The following XDH variants were observed in gnomAD, a reference collection of about 807,000 sequenced individuals.
The protein encoded by XDH is xanthine dehydrogenase/oxidase.
In XDH, 138 loss-of-function variants were observed where a neutral mutation model predicts 156.1. The observed-to-expected ratio is 0.88, with a 90% CI of 0.77 to 1.02. XDH has a LOEUF of 1.02. Among genes scored for constraint, XDH ranks in the 50% least tolerant of loss-of-function variants. The probability of loss-of-function intolerance (pLI) is 0.00; values close to 1 mark genes in which losing one functional copy is unlikely to be tolerated. For synonymous variants in XDH, 669 were observed against 625.7 expected (o/e 1.07, Z -1.03); for missense variants, 1,849 against 1,684.9 (o/e 1.10, Z -1.71).
At chr2:31,360,050 G>A (rs745857503) in intron 24 of XDH, among the ~76,000 whole-genome samples, 2 of 152,176 alleles carry the variant, frequency 1.3e-5, no homozygotes, top group Admixed American at 6.5e-5. Flanking sequence ...CTTCCCATTG[G>A]CTACCTGCTC....
intron 6 of XDH, among the ~76,000 whole-genome samples, chr2:31,395,968 G>A (rs780112232): frequency 2.0e-5 from 3 of 152,178 alleles, no homozygotes; most frequent in East Asian, 1.9e-4. Context: ...ACTTCTCGCC[G>A]TGAGCAGTGT....
chr2:31,335,927 G>A lies in XDH; in HGVS notation c.*31C>T. 6.2e-7 allele frequency: 1 copy of A among 1,613,600 alleles called. No individual in the cohort carries two copies. Among genetic ancestry groups the A allele is most frequent in the Non-Finnish European group, 8.5e-7 (1 of 1,179,484 alleles). On this transcript the variant is annotated 3_prime_UTR_variant, in exon 36 of 36. Transcript: ENST00000379416. The stretch of plus-strand genomic sequence containing the variant: ...CCTGCTCCATGGAAGCCCAAAGGCA[G>A]CACAAGAAGACTCTGCTGAGGACTC...
chr2:31,355,895 A>G (rs186738582), intron 24 of XDH, among the ~76,000 whole-genome samples: 7 of 152,352 alleles, frequency 4.6e-5, no homozygotes, highest in Admixed American at 1.3e-4. Context: ...AAATATAATA[A>G]TGTAGGCAAG....
intron 33 of XDH, 124 bp from the exon 34 acceptor site, chr2:31,339,801 C>T (rs946036047): frequency 8.0e-7 from 1 of 1,253,286 alleles, no homozygotes; most frequent in Middle Eastern, 2.3e-4. Flanking sequence ...AAACTGCCCT[C>T]TATTGCTTAC....
At chr2:31,376,721 T>C (rs1361528579) in intron 14 of XDH, among the ~76,000 whole-genome samples, 1 of 149,846 alleles carries the variant, frequency 6.7e-6, no homozygotes, top group East Asian at 1.9e-4. Flanking sequence ...GTAACAGTAG[T>C]AATTTTAGTA....
At chr2:31,341,707 C>G (rs921715810) in intron 32 of XDH, among the ~76,000 whole-genome samples, 8 of 152,180 alleles carry the variant, frequency 5.3e-5, no homozygotes, top group East Asian at 1.9e-4. Context: ...GGCTTTGAAT[C>G]TGAGTCTGGG....
At chr2:31,377,441 G>GA (rs201414354) in intron 13 of XDH, among the ~76,000 whole-genome samples, 73 of 147,076 alleles carry the variant, frequency 5.0e-4, no homozygotes, top group Admixed American at 1.8e-3. Flanking sequence ...CCCAGAAGCT[G>GA]AAAAAAAAAA....
At position 31,372,250 on chromosome 2, in the gene XDH, T is replaced by A. The variant is rs1204705956; in HGVS notation, c.1834A>T (p.Thr612Ser). The A allele has an allele frequency of 6.2e-7, 1 of 1,614,070 alleles. No individual in the cohort carries two copies. The highest frequency in any genetic ancestry group is 1.3e-5 in the African/African-American group (1 of 74,942). The stretch of plus-strand genomic sequence containing the variant: ...CACTTGATCTTGGCGTGGGCCCGGG[T>A]GCTGGTGACCAGCCGGAGAGACAGC... ...NELSLRLVTSTRAHAKIKSID... is the reference protein window; with the variant it reads ...NELSLRLVTSSRAHAKIKSID... Residue 612 changes from threonine (T) to serine (S), a missense_variant, in exon 17 of 36, where the codon ACC becomes TCC. Physicochemically the swap from Thr to Ser is moderately conservative, Grantham distance 58. Transcript: ENST00000379416.
intron 9 of XDH, among the ~76,000 whole-genome samples, chr2:31,385,432 A>G (rs1686561981): frequency 1.3e-5 from 2 of 152,110 alleles, no homozygotes; most frequent in African/African-American, 4.8e-5. Context: ...GCACTGACCC[A>G]AGCCAGGCTC....
chr2:31,387,134 C>G (rs1314896691), intron 8 of XDH, among the ~76,000 whole-genome samples: 1 of 152,118 alleles, frequency 6.6e-6, no homozygotes, highest in East Asian at 1.9e-4. Flanking sequence ...ATCGAACTGC[C>G]AGTATTTTCA....
chr2:31,381,590 C>T, intron 12 of XDH, 43 bp downstream of exon 12: 2 of 1,598,210 alleles, frequency 1.3e-6, no homozygotes. Flanking sequence ...AGACTTTTCT[C>T]CCCCAAGTCC....
intron 24 of XDH, among the ~76,000 whole-genome samples, chr2:31,363,633 C>T (rs1028865326): frequency 6.6e-6 from 1 of 152,050 alleles, no homozygotes; most frequent in African/African-American, 2.4e-5. Context: ...TTCAATGAAA[C>T]CATTTTTTAA....
At chr2:31,363,217 C>A (rs143425896) in intron 24 of XDH, among the ~76,000 whole-genome samples, 1 of 152,176 alleles carries the variant, frequency 6.6e-6, no homozygotes. Flanking sequence ...GAGGCTGAGA[C>A]AGGAGAATCG....
Position 31,373,925 on chromosome 2 carries a change from C to G in XDH, c.1634G>C (p.Ser545Thr). ...GTCTTTCTGAAACAGTAAAGTTGCA[C>G]TGGCGAAAGTGGGGTCCAGTTTACC... The part of the protein sequence containing the change: ...KCGKLDPTFA[S>T]ATLLFQKDPP... Residue 545 changes from serine (S) to threonine (T), a missense_variant, in exon 16 of 36, where the codon AGT (serine) becomes ACT (threonine). Physicochemically the swap from Ser to Thr is moderately conservative, Grantham distance 58 (BLOSUM62 1). Coordinates refer to ENST00000379416, the MANE Select transcript of XDH (RefSeq NM_000379.4). 1 of 1,613,978 alleles carries G rather than the reference C, an allele frequency of 6.2e-7. No individual in the cohort carries two copies.
At chr2:31,368,971 G>C (rs957527311) in intron 18 of XDH, among the ~76,000 whole-genome samples, 3 of 152,150 alleles carry the variant, frequency 2.0e-5, no homozygotes, top group African/African-American at 7.2e-5. Context: ...ATGGCACCAG[G>C]AAGTGCATTT....
At chr2:31,336,472 T>C (rs111404964) in intron 35 of XDH, among the ~76,000 whole-genome samples, 4 of 152,008 alleles carry the variant, frequency 2.6e-5, no homozygotes, top group African/African-American at 7.2e-5. Flanking sequence ...TGGCAGCTTA[T>C]TGGGAGCCAT....
rs1213831026 is a variant in XDH at position 31,349,625 on chromosome 2, C to G, written c.2969+61G>C. ...TTATTAGCTTCCTATATGGGGTCAG[C>G]AGAAAGGCTGTAGGATATGAAACCC... On this transcript the variant is annotated intron_variant, in intron 26 of 35. Transcript: ENST00000379416. 8 of 1,611,104 alleles carry G rather than the reference C, an allele frequency of 5.0e-6. No individual in the cohort carries two copies. In the African/African-American group the frequency reaches 8.0e-5, roughly 16 times the overall value.
At chr2:31,409,348 C>G (rs1347400800) in intron 1 of XDH, among the ~76,000 whole-genome samples, 1 of 152,166 alleles carries the variant, frequency 6.6e-6, no homozygotes, top group East Asian at 1.9e-4. Context: ...ACCACATTTT[C>G]TATCATGTAA....
intron 11 of XDH, 66 bp from the exon 12 acceptor site, chr2:31,381,792 C>G: frequency 7.0e-7 from 1 of 1,432,828 alleles, no homozygotes; most frequent in East Asian, 2.5e-5. Flanking sequence ...GTAGCAGGCT[C>G]CTGAACATAC....
Sources: gnomAD v4.1 joint callset for allele counts (sites outside exome capture counted in the v4.1 genomes callset) on GRCh38, gnomAD v4.1.1 for gene constraint, MANE v1.5 for transcripts, NCBI Gene and HGNC (gene_info 2026-07-23, HGNC 2026-07-21) for gene names.